The following MYO6 variants were observed in gnomAD, a reference collection of about 807,000 sequenced individuals.
MYO6 encodes myosin VI.
In MYO6, 74 loss-of-function variants were observed where a neutral mutation model predicts 178.7. That is an observed-to-expected ratio of 0.41 (90% CI 0.34 to 0.50). The LOEUF is 0.50. MYO6 is among the 20% of genes least tolerant of loss of function. The pLI is 0.09. For missense variants in MYO6, 1,330 were observed against 1,547.4 expected, an observed-to-expected ratio of 0.86 and a Z score of 2.36; for synonymous variants, 477 against 504.6, an observed-to-expected ratio of 0.95 and a Z score of 0.73.
intron 16 of MYO6, among the ~76,000 whole-genome samples, chr6:75,864,309 A>C (rs1776464570): frequency 6.6e-6 from 1 of 152,210 alleles, no homozygotes; most frequent in African/African-American, 2.4e-5. Flanking sequence ...GGTGAATTGG[A>C]TTTACCTGAA....
In MYO6 at chr6:75,857,126, A is replaced by G. The variant is rs759746435; in HGVS notation, c.1253A>G (p.Asn418Ser). 20 of 1,613,970 alleles carry G rather than the reference A, an allele frequency of 1.2e-5. No individual in the cohort carries two copies. The highest frequency in any genetic ancestry group is 1.6e-5 in the Non-Finnish European group (19 of 1,179,954). The change falls in exon 13 of 35, where the codon AAT becomes AGT. Residue 418 changes from asparagine to serine, a missense_variant. Coordinates refer to ENST00000369977, the MANE Select transcript of MYO6 (RefSeq NM_004999.4). The stretch of plus-strand genomic sequence containing the variant: ...CCTCTGAAAGTGGAGCAAGCAAACA[A>G]TGCTCGTGATGCCCTGGCAAAGACA... ...KVPLKVEQAN[N>S]ARDALAKTVY...
intron 19 of MYO6, among the ~76,000 whole-genome samples, chr6:75,871,607 C>G (rs886424443): frequency 3.3e-5 from 5 of 152,082 alleles, no homozygotes; most frequent in Non-Finnish European, 7.4e-5. Context: ...TTTATTATAT[C>G]AGTATTATTG....
intron 16 of MYO6, among the ~76,000 whole-genome samples, chr6:75,864,850 G>A (rs1191163946): frequency 1.3e-5 from 2 of 152,136 alleles, no homozygotes; most frequent in Admixed American, 1.3e-4. Flanking sequence ...CTATTCTAAT[G>A]TTTTTACTTG....
At chr6:75,804,386 G>A (rs556499164) in intron 1 of MYO6, among the ~76,000 whole-genome samples, 3 of 152,246 alleles carry the variant, frequency 2.0e-5, no homozygotes, top group African/African-American at 7.2e-5. Flanking sequence ...GGAGTTGCCG[G>A]TTTAAAACTT....
At chr6:75,828,683 CA>C (rs1356549709) in intron 4 of MYO6, 70 bp downstream of exon 4, 1 of 1,026,530 alleles carries the variant, frequency 9.7e-7, no homozygotes, top group Non-Finnish European at 1.5e-6. Flanking sequence ...TTGATTTTGT[CA>C]CGCTTGAAAT....
At chr6:75,877,441 A>G (rs1001561179) in intron 20 of MYO6, among the ~76,000 whole-genome samples, 1 of 151,474 alleles carries the variant, frequency 6.6e-6, no homozygotes, top group Admixed American at 6.6e-5. Flanking sequence ...TAATTCTTGT[A>G]TTTTTAGAAG....
chr6:75,849,898 AT>A (rs370928511), intron 11 of MYO6, among the ~76,000 whole-genome samples: 40 of 152,264 alleles, frequency 2.6e-4, no homozygotes, highest in African/African-American at 9.4e-4. Context: ...TTTACAAAGT[AT>A]GTTTACAAGG....
At chr6:75,802,129 C>T (rs540904455) in intron 1 of MYO6, among the ~76,000 whole-genome samples, 5 of 151,892 alleles carry the variant, frequency 3.3e-5, no homozygotes, top group Admixed American at 2.0e-4. Context: ...CAATACTAAG[C>T]GGAAGACAAA....
chr6:75,787,264 C>T (rs540849185), intron 1 of MYO6, among the ~76,000 whole-genome samples: 2 of 152,276 alleles, frequency 1.3e-5, no homozygotes, highest in East Asian at 1.9e-4. Context: ...TATCCAAGAG[C>T]AATGTCTACA....
chr6:75,878,363 C>T (rs1248621631), intron 20 of MYO6, among the ~76,000 whole-genome samples: 1 of 151,982 alleles, frequency 6.6e-6, no homozygotes, highest in Non-Finnish European at 1.5e-5. Context: ...TGGACATTGT[C>T]CACATGCATA....
At chr6:75,751,174 CTT>C (rs1776861750) in intron 1 of MYO6, among the ~76,000 whole-genome samples, 1 of 152,214 alleles carries the variant, frequency 6.6e-6, no homozygotes, top group Admixed American at 6.5e-5. Context: ...AGCTCACAGA[CTT>C]TTATATATAC....
Position 75,914,118 on chromosome 6 carries a change from C to A in MYO6, c.3495C>A (p.Asn1165Lys), listed in dbSNP as rs1303151960. The part of the protein sequence containing the change: ...IPARQREIEM[N>K]RQQRFFRIPF... ...CCAGGCAGCGGGAGATTGAAATGAA[C>A]CGACAGCAACGCTTCTTCCGCATCC... is the stretch of plus-strand genomic sequence containing the variant. The change falls in exon 34 of 35, where the codon AAC (asparagine) becomes AAA (lysine). Residue 1165 changes from asparagine to lysine, a missense_variant. Asn to Lys is a moderately conservative substitution (Grantham distance 94). Transcript: ENST00000369977. 5 of 1,613,980 alleles carry A rather than the reference C, an allele frequency of 3.1e-6. No individual in the cohort carries two copies. Among genetic ancestry groups the A allele is most frequent in the Non-Finnish European group, 4.2e-6 (5 of 1,180,024 alleles).
chr6:75,848,676 C>T lies in MYO6; in HGVS notation c.1078+145C>T, dbSNP rs1176311931. The T allele has an allele frequency of 7.7e-6, 6 of 780,850 alleles. No homozygotes were observed. The East Asian group carries it at 1.4e-4, about 18-fold the overall frequency. 48.4% of individuals were successfully genotyped at this position (780,850 alleles called of 1,614,324 possible). ...TATACTGAGTTAAATGTTGAATCTC[C>T]CAAATGAAGAATGTTTCATTATCAG... On this transcript the variant is annotated intron_variant, in intron 11 of 34. Coordinates refer to ENST00000369977, the MANE Select transcript of MYO6 (RefSeq NM_004999.4).
At chr6:75,862,818 A>C in intron 16 of MYO6, 95 bp downstream of exon 16, 1 of 1,425,578 alleles carries the variant, frequency 7.0e-7, no homozygotes, top group South Asian at 1.2e-5. Flanking sequence ...AATTAGAATA[A>C]AAATTATGGC....
intron 30 of MYO6, among the ~76,000 whole-genome samples, 155 bp from the exon 31 acceptor site, chr6:75,907,449 TA>T (rs1780415926): frequency 6.6e-6 from 1 of 152,242 alleles, no homozygotes; most frequent in African/African-American, 2.4e-5. Flanking sequence ...CATCTTTTAG[TA>T]TGCCATTCTT....
intron 1 of MYO6, among the ~76,000 whole-genome samples, chr6:75,782,166 A>G (rs1244784832): frequency 1.3e-5 from 2 of 152,128 alleles, no homozygotes; most frequent in Admixed American, 6.6e-5. Flanking sequence ...TTTCCTTTGC[A>G]TTTTGAATCT....
intron 1 of MYO6, among the ~76,000 whole-genome samples, chr6:75,787,708 C>T (rs1583073704): frequency 1.4e-5 from 1 of 72,024 alleles, no homozygotes; most frequent in Admixed American, 1.6e-4. Flanking sequence ...CTCTCTCTCT[C>T]TCTCTCTCTC....
At chr6:75,882,167 C>T (rs888287886) in intron 23 of MYO6, among the ~76,000 whole-genome samples, 2 of 152,038 alleles carry the variant, frequency 1.3e-5, no homozygotes, top group African/African-American at 4.8e-5. Flanking sequence ...ACACATACCC[C>T]GAAAATTCTA....
At chr6:75,782,096 A>G (rs112006624) in intron 1 of MYO6, among the ~76,000 whole-genome samples, 3,101 of 152,160 alleles carry the variant, frequency 0.02, 105 homozygotes, top group African/African-American at 0.07. Context: ...CAGGAAATTG[A>G]GATGACTTTG....
Sources: allele counts gnomAD v4.1 joint callset (sites outside exome capture counted in the v4.1 genomes callset), GRCh38; gene constraint gnomAD v4.1.1; transcripts MANE v1.5; gene names NCBI Gene and HGNC (gene_info 2026-07-23, HGNC 2026-07-21).